PCGF5: variants seen among roughly 807,000 people sequenced by gnomAD.
PCGF5 encodes the protein polycomb group RING finger protein 5.
A neutral mutation model predicts 44.3 loss-of-function variants in PCGF5; 9 were observed. The observed-to-expected ratio is 0.20, with a 90% CI of 0.12 to 0.35. The LOEUF is 0.35. Ranked by LOEUF, PCGF5 falls within the 10% of genes least tolerant of loss-of-function variation. The probability of loss-of-function intolerance (pLI) is 1.00; values close to 1 mark genes in which losing one functional copy is unlikely to be tolerated. For missense variants in PCGF5, 146 were observed against 305.3 expected, an observed-to-expected ratio of 0.48 and a Z score of 3.89; for synonymous variants, 95 against 102.5, an observed-to-expected ratio of 0.93 and a Z score of 0.44.
rs1564650119 is a variant in PCGF5, at chr10:91,251,474, C to A, written c.474+34C>A. 4 of 1,591,510 alleles carry A rather than the reference C, an allele frequency of 2.5e-6. No homozygotes were observed. The South Asian group carries it at 3.4e-5, about 13-fold the overall frequency. On this transcript the variant is annotated intron_variant, in intron 6 of 9. Transcript: ENST00000336126. Reference sequence around the variant, plus strand: ...ACAAGTACTATGGTATTTTTATGATCAGTTTATAGTAAACCCTTGATAATT... The same window carrying A: ...ACAAGTACTATGGTATTTTTATGATAAGTTTATAGTAAACCCTTGATAATT...
At chr10:91,255,040 T>C (rs1163996783) in intron 6 of PCGF5, among the ~76,000 whole-genome samples, 1 of 152,128 alleles carries the variant, frequency 6.6e-6, no homozygotes, top group East Asian at 1.9e-4. Flanking sequence ...AGGTAGAGCT[T>C]TTTCAAAGCC....
intron 1 of PCGF5, among the ~76,000 whole-genome samples, chr10:91,189,857 A>G (rs560924625): frequency 1.3e-5 from 2 of 152,360 alleles, no homozygotes; most frequent in East Asian, 1.9e-4. Flanking sequence ...AGTTATGAGT[A>G]TAAAAATGTA....
intron 1 of PCGF5, among the ~76,000 whole-genome samples, chr10:91,169,810 A>G (rs1843571551): frequency 6.6e-6 from 1 of 152,232 alleles, no homozygotes; most frequent in Admixed American, 6.5e-5. Flanking sequence ...AAGACCTAAA[A>G]TAGCACAATA....
At chr10:91,167,454 T>C (rs1339524818) in intron 1 of PCGF5, among the ~76,000 whole-genome samples, 1 of 152,204 alleles carries the variant, frequency 6.6e-6, no homozygotes, top group Non-Finnish European at 1.5e-5. Flanking sequence ...AAGGTAAGAC[T>C]TAATTAGGGA....
Position 91,261,348 on chromosome 10 carries a change from G to T in PCGF5, c.497G>T (p.Arg166Leu). 6.7e-7 allele frequency: 1 copy of T among 1,494,566 alleles called. No homozygotes were observed. The highest frequency in any genetic ancestry group is 9.0e-7 in the Non-Finnish European group (1 of 1,110,156). 92.6% of individuals were successfully genotyped at this position (1,494,566 alleles called of 1,614,324 possible). Residue 166 changes from arginine to leucine, a missense_variant, in exon 7 of 10, where the codon CGA (arginine) becomes CTA (leucine). Transcript: ENST00000336126. ...TAGGGTTTAATGAAGAAATTCATTC[G>T]ATGTTCTACACGTGTAACTGTGGGA... ...VVKGLMKKFIRCSTRVTVGTI... is the reference protein window; with the variant it reads ...VVKGLMKKFILCSTRVTVGTI...
upstream of PCGF5, among the ~76,000 whole-genome samples, chr10:91,161,791 T>G (rs553891366): frequency 6.6e-6 from 1 of 152,314 alleles, no homozygotes; most frequent in Non-Finnish European, 1.5e-5. Context: ...ACTCCTGAAC[T>G]TTTCCAGTCT....
intron 1 of PCGF5, among the ~76,000 whole-genome samples, chr10:91,183,731 T>C (rs775605214): frequency 6.6e-6 from 1 of 152,196 alleles, no homozygotes; most frequent in Non-Finnish European, 1.5e-5. Flanking sequence ...ATGTAGTGTG[T>C]CCTTCAGGAG....
intron 7 of PCGF5, among the ~76,000 whole-genome samples, chr10:91,263,916 T>A (rs1051163661): frequency 6.6e-6 from 1 of 152,192 alleles, no homozygotes; most frequent in African/African-American, 2.4e-5. Context: ...CATATACCTT[T>A]AAGGCCCCAT....
At chr10:91,241,199 T>G (rs1048473784) in intron 3 of PCGF5, among the ~76,000 whole-genome samples, 1 of 151,800 alleles carries the variant, frequency 6.6e-6, no homozygotes, top group Non-Finnish European at 1.5e-5. Context: ...CTCAGCCTCC[T>G]GAGTAGCTGG....
chr10:91,198,038 C>T (rs1332764564), intron 1 of PCGF5, among the ~76,000 whole-genome samples: 3 of 152,192 alleles, frequency 2.0e-5, no homozygotes, highest in Non-Finnish European at 4.4e-5. Flanking sequence ...CCTCACAGAG[C>T]TTACATTCTA....
intron 6 of PCGF5, among the ~76,000 whole-genome samples, chr10:91,258,683 A>G (rs1845820282): frequency 6.6e-6 from 1 of 152,182 alleles, no homozygotes; most frequent in African/African-American, 2.4e-5. Flanking sequence ...ATAGACGTGT[A>G]CATTTATCCC....
chr10:91,170,439 A>G (rs1051075416), intron 1 of PCGF5, among the ~76,000 whole-genome samples: 1 of 152,256 alleles, frequency 6.6e-6, no homozygotes, highest in African/African-American at 2.4e-5. Context: ...CCATTTACAA[A>G]ATGGACCAAA....
intron 1 of PCGF5, among the ~76,000 whole-genome samples, chr10:91,200,233 G>A (rs1844225050): frequency 6.6e-6 from 1 of 152,228 alleles, no homozygotes; most frequent in East Asian, 1.9e-4. Context: ...GCGTGGAGGA[G>A]ATAAGAGGGA....
At chr10:91,211,372 T>C (rs1431559809) in intron 1 of PCGF5, among the ~76,000 whole-genome samples, 1 of 152,228 alleles carries the variant, frequency 6.6e-6, no homozygotes, top group Admixed American at 6.5e-5. Flanking sequence ...AGAGTGTTTC[T>C]CCATGACAGT....
At chr10:91,254,531 T>TA (rs1378933045) in intron 6 of PCGF5, among the ~76,000 whole-genome samples, 1 of 152,042 alleles carries the variant, frequency 6.6e-6, no homozygotes, top group Non-Finnish European at 1.5e-5. Flanking sequence ...ATCTTTTTTT[T>TA]ATATGTGTGT....
intron 1 of PCGF5, among the ~76,000 whole-genome samples, chr10:91,163,961 C>A (rs938956421): frequency 6.6e-6 from 1 of 152,214 alleles, no homozygotes; most frequent in Non-Finnish European, 1.5e-5. Context: ...AGGTTTCTGG[C>A]CCCAGGCGTT....
At position 91,283,801 on chromosome 10, in the gene PCGF5, A is replaced by G. The variant is rs1014948655; in HGVS notation, c.*5485A>G. 4 of 152,560 alleles carry G rather than the reference A, an allele frequency of 2.6e-5. No homozygotes were observed. Among genetic ancestry groups the G allele is most frequent in the African/African-American group, 9.7e-5 (4 of 41,450 alleles). The allele number at this position is 152,560 out of a possible 1,614,324, so 9.5% of individuals were successfully genotyped here. On this transcript the variant is annotated 3_prime_UTR_variant, in exon 10 of 10. Coordinates refer to ENST00000336126, the MANE Select transcript of PCGF5 (RefSeq NM_032373.5). ...GCCCTCACAATCAAAATATCATAGAATATATTGTAAAGTTATGTTGCTAAT... is the reference window on the plus strand; with the variant it reads ...GCCCTCACAATCAAAATATCATAGAGTATATTGTAAAGTTATGTTGCTAAT...
intron 2 of PCGF5, among the ~76,000 whole-genome samples, chr10:91,238,833 G>A (rs546509971): frequency 6.6e-6 from 1 of 151,912 alleles, no homozygotes; most frequent in South Asian, 2.1e-4. Flanking sequence ...AGAAGGCAAA[G>A]TATTCAATTG....
At chr10:91,206,050 G>A (rs12253178) in intron 1 of PCGF5, among the ~76,000 whole-genome samples, 129 of 152,196 alleles carry the variant, frequency 8.5e-4, no homozygotes, top group African/African-American at 2.9e-3. Flanking sequence ...AAAAGACATG[G>A]TATACCAACA....
Sources: allele counts gnomAD v4.1 joint callset (sites outside exome capture counted in the v4.1 genomes callset), GRCh38; gene constraint gnomAD v4.1.1; transcripts MANE v1.5; gene names NCBI Gene and HGNC (gene_info 2026-07-23, HGNC 2026-07-21).